DNAJB14: variants seen among roughly 807,000 people sequenced by gnomAD.
DNAJB14 encodes dnaJ homolog subfamily B member 14.
A neutral mutation model predicts 48.4 loss-of-function variants in DNAJB14; 22 were observed. The observed-to-expected ratio is 0.45, with a 90% CI of 0.32 to 0.65. DNAJB14 has a LOEUF of 0.65. DNAJB14 is among the 30% of genes least tolerant of loss of function. The pLI, the probability that DNAJB14 is intolerant of heterozygous loss-of-function variation, is 0.03. For missense variants in DNAJB14, 319 were observed against 458.8 expected, an observed-to-expected ratio of 0.70 and a Z score of 2.78; for synonymous variants, 142 against 158.7, an observed-to-expected ratio of 0.89 and a Z score of 0.79.
intron 3 of DNAJB14, among the ~76,000 whole-genome samples, chr4:99,918,055 C>G (rs76078971): frequency 0.027 from 4,142 of 152,192 alleles, 84 homozygotes; most frequent in African/African-American, 0.055. Context: ...TTCTGAGTAC[C>G]TTTTCAGCTC....
Position 99,946,595 on chromosome 4 carries a change from T to C in DNAJB14, c.-24A>G. 6.2e-7 allele frequency: 1 copy of C among 1,610,718 alleles called. No homozygotes were observed. The highest frequency in any genetic ancestry group is 1.3e-5 in the African/African-American group (1 of 74,706). ...ATAGCTTGCTCCTTCTTCCGTTTCC[T>C]CCGGCAGCGCAGCTAAGAAGGGCGG... On this transcript the variant is annotated 5_prime_UTR_variant, in exon 1 of 8. Transcript: ENST00000442697.
At chr4:99,917,618 G>T (rs777538154) in intron 3 of DNAJB14, among the ~76,000 whole-genome samples, 4 of 152,082 alleles carry the variant, frequency 2.6e-5, no homozygotes, top group Non-Finnish European at 5.9e-5. Context: ...CCTTTATTGT[G>T]TCCTTTTGTT....
At chr4:99,906,702 A>T in intron 4 of DNAJB14, 91 bp from the exon 5 acceptor site, 2 of 1,073,644 alleles carry the variant, frequency 1.9e-6, no homozygotes, top group Non-Finnish European at 2.7e-6. Context: ...ATTTTAAAAA[A>T]TTACTAAAAT....
chr4:99,918,119 T>C (rs1292638943), intron 3 of DNAJB14, among the ~76,000 whole-genome samples: 1 of 152,224 alleles, frequency 6.6e-6, no homozygotes, highest in Non-Finnish European at 1.5e-5. Context: ...ATTAGATCTT[T>C]TGCTATAGTC....
At chr4:99,922,971 T>C (rs559339668) in intron 3 of DNAJB14, 69 bp downstream of exon 3, 1 of 1,458,276 alleles carries the variant, frequency 6.9e-7, no homozygotes, top group African/African-American at 1.4e-5. Context: ...CAGAACTTAA[T>C]ATTCTGAAAC....
At chr4:99,907,669 C>A (rs1725515891) in intron 4 of DNAJB14, among the ~76,000 whole-genome samples, 1 of 152,062 alleles carries the variant, frequency 6.6e-6, no homozygotes, top group African/African-American at 2.4e-5. Flanking sequence ...CAGAGCAAGA[C>A]CCTGTCTCTA....
intron 1 of DNAJB14, among the ~76,000 whole-genome samples, chr4:99,944,412 G>A (rs958574738): frequency 5.3e-5 from 8 of 152,132 alleles, no homozygotes; most frequent in African/African-American, 1.9e-4. Flanking sequence ...ATAATTGAAA[G>A]CAGGCTCTTT....
At chr4:99,941,429 T>A (rs968416786) in intron 1 of DNAJB14, among the ~76,000 whole-genome samples, 21 of 152,242 alleles carry the variant, frequency 1.4e-4, no homozygotes, top group African/African-American at 4.8e-4. Context: ...ACTATTCAAG[T>A]TTTTTCCTAT....
At chr4:99,925,598 C>T (rs1333661743) in intron 2 of DNAJB14, 1 of 152,078 alleles carries the variant, frequency 6.6e-6, no homozygotes, top group Non-Finnish European at 1.5e-5. Flanking sequence ...AGAATAAGGA[C>T]TTATTTCTTC....
intron 1 of DNAJB14, among the ~76,000 whole-genome samples, chr4:99,935,121 TAAAAAC>T (rs1294743552): frequency 6.6e-6 from 1 of 151,704 alleles, no homozygotes; most frequent in East Asian, 1.9e-4. Flanking sequence ...TTTTCTGACA[TAAAAAC>T]AAAAAATCTG....
chr4:99,924,936 T>C (rs1726196693), intron 2 of DNAJB14: 2 of 692,094 alleles, frequency 2.9e-6, no homozygotes, highest in African/African-American at 1.8e-5. Flanking sequence ...AGAATCTTCA[T>C]TTATCCCATT....
chr4:99,901,901 G>A (rs11931053), intron 7 of DNAJB14, among the ~76,000 whole-genome samples: 46,158 of 151,852 alleles, frequency 0.3, 7,762 homozygotes, highest in African/African-American at 0.46. Context: ...AATGGCCAAA[G>A]TAGAAGACAT....
At position 99,943,564 on chromosome 4, in the gene DNAJB14, C is replaced by T. The variant is rs143638680; in HGVS notation, c.133+2875G>A. Among the ~76,000 whole-genome samples the T allele has an allele frequency of 8.5e-3, 1,291 of 152,180 alleles. 11 individuals carry two copies. Among genetic ancestry groups the T allele is most frequent in the African/African-American group, 0.029 (1,188 of 41,504 alleles). ...TGTTAAATGCTTTACCTGTATTAAC[C>T]CATTTAATCCTCACAACAGCACTAT... On this transcript the variant is annotated intron_variant, in intron 1 of 7. Transcript: ENST00000442697.
chr4:99,946,307 G>C, intron 1 of DNAJB14, 132 bp downstream of exon 1: 7 of 1,389,134 alleles, frequency 5.0e-6, no homozygotes, highest in Non-Finnish European at 6.9e-6. Flanking sequence ...TCCCCACCGG[G>C]CCTGGGGCTG....
At chr4:99,937,995 C>T (rs1311801108) in intron 1 of DNAJB14, among the ~76,000 whole-genome samples, 20 of 146,618 alleles carry the variant, frequency 1.4e-4, no homozygotes, top group Admixed American at 2.7e-4. Flanking sequence ...CGGTGGCTCA[C>T]GCCTGTAATC....
At chr4:99,906,777 A>G (rs183666783) in intron 4 of DNAJB14, among the ~76,000 whole-genome samples, 166 bp from the exon 5 acceptor site, 1 of 152,302 alleles carries the variant, frequency 6.6e-6, no homozygotes, top group Non-Finnish European at 1.5e-5. Context: ...AAGGGTGGAC[A>G]GAAATAGGAA....
At chr4:99,939,871 A>T (rs1199065093) in intron 1 of DNAJB14, among the ~76,000 whole-genome samples, 1 of 152,250 alleles carries the variant, frequency 6.6e-6, no homozygotes, top group African/African-American at 2.4e-5. Flanking sequence ...TGTCTTAGCT[A>T]TCACATGGGA....
chr4:99,930,540 T>A lies in DNAJB14; in HGVS notation c.215A>T (p.Gln72Leu), dbSNP rs141420251. 70 of 1,613,338 alleles carry A rather than the reference T, an allele frequency of 4.3e-5. 2 individuals carry two copies. Among genetic ancestry groups the A allele is most frequent in the African/African-American group, 5.3e-5 (4 of 74,920 alleles). The change falls in exon 2 of 8, where the codon CAA (glutamine) becomes CTA (leucine). Residue 72 changes from glutamine (Q) to leucine (L), a missense_variant. Coordinates refer to ENST00000442697, the MANE Select transcript of DNAJB14 (RefSeq NM_001031723.4). ...HCRKPSGSGD[Q>L]SKPNCTKDST... ...GTCCTTTGTGCAATTAGGCTTGCTT[T>A]GATCGCCACTACCTGATGGTTTTCG...
chr4:99,918,857 G>A (rs1350662667), intron 3 of DNAJB14, among the ~76,000 whole-genome samples: 2 of 152,168 alleles, frequency 1.3e-5, no homozygotes, highest in Admixed American at 6.5e-5. Context: ...GGGAGAATGA[G>A]CACCCTTTTA....
Sources: allele counts gnomAD v4.1 joint callset (sites outside exome capture counted in the v4.1 genomes callset), GRCh38; gene constraint gnomAD v4.1.1; transcripts MANE v1.5; gene names NCBI Gene and HGNC (gene_info 2026-07-23, HGNC 2026-07-21).